Variants in USP21 observed in about 807,000 individuals in gnomAD.
USP21 encodes the protein ubiquitin specific peptidase 21, also known as ubiquitin carboxyl-terminal hydrolase 21.
Under a neutral mutation model 70.8 loss-of-function variants are expected in USP21, and 37 were observed. That is an observed-to-expected ratio of 0.52 (90% CI 0.40 to 0.69). The LOEUF (loss-of-function observed/expected upper bound fraction) is 0.69, where lower values mean the gene tolerates loss of function less well. Ranked by LOEUF, USP21 falls within the 30% of genes least tolerant of loss-of-function variation. The pLI, the probability that USP21 is intolerant of heterozygous loss-of-function variation, is 0.00. For missense variants in USP21, 584 were observed against 740.8 expected (o/e 0.79, Z 2.46); for synonymous variants, 263 against 283.1 (o/e 0.93, Z 0.71).
Position 161,160,414 on chromosome 1 carries a change from G to A in USP21, c.-114G>A, listed in dbSNP as rs536378233. ...TCGATAGATCTGGTTCCTGCCCTCA[G>A]TGCGTATACTGCTCCCCACTTTCGT... On this transcript the variant is annotated 5_prime_UTR_variant, in exon 2 of 14. In the 5' UTR this introduces an upstream ATG that the reference lacks. Coordinates refer to ENST00000368002, the MANE Select transcript of USP21 (RefSeq NM_001014443.3). 1 of 619,100 alleles carries A rather than the reference G, an allele frequency of 1.6e-6. No individual in the cohort carries two copies. Among genetic ancestry groups the A allele is most frequent in the African/African-American group, 1.8e-5 (1 of 54,556 alleles). 38.4% of individuals were successfully genotyped at this position (619,100 alleles called of 1,614,324 possible).
chr1:161,160,913 T>C lies in USP21; in HGVS notation c.273T>C (p.Pro91=), dbSNP rs147394083. The C allele has an allele frequency of 6.2e-7, 1 of 1,614,128 alleles. No homozygotes were observed. The highest frequency in any genetic ancestry group is 8.5e-7 in the Non-Finnish European group (1 of 1,180,044). Residue 91 remains proline (P), a synonymous_variant, in exon 3 of 14, where the codon CCT becomes CCC. Transcript: ENST00000368002. ...GAGCAGATCATGGGGTTCCCCTGCC[T>C]GGCTCACCACCCCCAACAGTGGCTT... ...PLRADHGVPL[P]GSPPPTVALP...
Position 161,165,035 on chromosome 1 carries a change from C to G in USP21, c.1499C>G (p.Pro500Arg). The change falls in exon 13 of 14, where the codon CCT becomes CGT. Residue 500 changes from proline (P) to arginine (R), a missense_variant. Transcript: ENST00000368002. ...ATCATCTCCAACCCCGCAGGAAGTC[C>G]TGTATACCAGCTGTATGCCCTTTGC... Reference protein sequence around the residue: ...GDFASDKAGSPVYQLYALCNH... With the variant: ...GDFASDKAGSRVYQLYALCNH... 6.2e-7 allele frequency: 1 copy of G among 1,614,064 alleles called. No homozygotes were observed. The highest frequency in any genetic ancestry group is 8.5e-7 in the Non-Finnish European group (1 of 1,179,994).
chr1:161,163,515 T>C, intron 7 of USP21, 40 bp from the exon 8 acceptor site: 1 of 1,602,446 alleles, frequency 6.2e-7, no homozygotes, highest in Non-Finnish European at 8.5e-7. Flanking sequence ...GTGTTCCTGC[T>C]GTCTCATGGG....
Position 161,164,675 on chromosome 1 carries a change from T to A in USP21, c.1384+63T>A. ...CCTCCCATACATTCTCTTTCCTCCA[T>A]GTTTCCAGAGAATTGAATTTTCCTT... On this transcript the variant is annotated intron_variant, in intron 11 of 13. Transcript: ENST00000368002. The surrounding 1 kb of genome is among the most constrained non-coding windows in gnomAD (Gnocchi z 4.2). The A allele has an allele frequency of 6.2e-7, 1 of 1,609,606 alleles. No individual in the cohort carries two copies. Among genetic ancestry groups the A allele is most frequent in the Non-Finnish European group, 8.5e-7 (1 of 1,177,078 alleles).
At position 161,160,469 on chromosome 1, in the gene USP21, C is replaced by T; in HGVS notation, c.-59C>T. On this transcript the variant is annotated 5_prime_UTR_variant, in exon 2 of 14. Transcript: ENST00000368002. Reference sequence around the variant, plus strand: ...GTGGTAGTGGTGATGACTGAGCCAACCACCTAATGTGGAAATGAGAGGACA... The same window carrying T: ...GTGGTAGTGGTGATGACTGAGCCAATCACCTAATGTGGAAATGAGAGGACA... 1.2e-6 allele frequency: 1 copy of T among 839,778 alleles called. No individual in the cohort carries two copies. The highest frequency in any genetic ancestry group is 2.4e-5 in the East Asian group (1 of 40,868). The allele number at this position is 839,778 out of a possible 1,614,324, so 52.0% of individuals were successfully genotyped here. A position where few individuals can be genotyped will look rare whatever the true frequency, so the allele number is the denominator to read the frequency against.
In USP21 at chr1:161,164,467, C is replaced by G. The variant is rs925740569; in HGVS notation, c.1306-67C>G. 1.3e-6 allele frequency: 2 copies of G among 1,571,508 alleles called. No individual in the cohort carries two copies. Among genetic ancestry groups the G allele is most frequent in the Non-Finnish European group, 1.8e-6 (2 of 1,142,372 alleles). On this transcript the variant is annotated intron_variant, in intron 10 of 13. Transcript: ENST00000368002. The surrounding 1 kb of genome is among the most constrained non-coding windows in gnomAD (Gnocchi z 4.2). The stretch of plus-strand genomic sequence containing the variant: ...GAGCATACTAAATTTGTATGTGGAT[C>G]GGGGTGTCAGAAAAGCCAATTGAGG...
chr1:161,163,006 A>G lies in USP21; in HGVS notation c.981A>G (p.Ile327Met). Reference protein sequence around the residue: ...INRRGRRAPPILANGPVPSPP... With the variant: ...INRRGRRAPPMLANGPVPSPP... ...GCCGAGGCCGCCGGGCTCCACCGAT[A>G]CTTGCCAATGGTCCAGTTCCCTCTC... Residue 327 changes from isoleucine (I) to methionine (M), a missense_variant, in exon 7 of 14, where the codon ATA becomes ATG. Ile to Met is a conservative substitution (Grantham distance 10). Coordinates refer to ENST00000368002, the MANE Select transcript of USP21 (RefSeq NM_001014443.3). 6.2e-7 allele frequency: 1 copy of G among 1,613,892 alleles called. No homozygotes were observed. Among genetic ancestry groups the G allele is most frequent in the Non-Finnish European group, 8.5e-7 (1 of 1,179,930 alleles).
At position 161,162,149 on chromosome 1, in the gene USP21, T is replaced by TG. The variant is rs1657974489; in HGVS notation, c.660+57dup. On this transcript the variant is annotated intron_variant, in intron 4 of 13. Coordinates refer to ENST00000368002, the MANE Select transcript of USP21 (RefSeq NM_001014443.3). This position sits in a 1 kb window ranked among gnomAD's most constrained non-coding sequence, Gnocchi z 4.1. ...CTCTAAAAGGAATGTGAAATGGTGC[T>TG]GGGGGTGGGGAAAACCCACGAGCTT... The TG allele has an allele frequency of 6.2e-7, 1 of 1,613,006 alleles. No individual in the cohort carries two copies. Among genetic ancestry groups the TG allele is most frequent in the African/African-American group, 1.3e-5 (1 of 74,846 alleles).
At position 161,162,121 on chromosome 1, in the gene USP21, C is replaced by T; in HGVS notation, c.660+24C>T. Reference sequence around the variant, plus strand: ...CGGTGAGAGCTATTCTCCTATCTTTCCTCTCTAAAAGGAATGTGAAATGGT... The same window carrying T: ...CGGTGAGAGCTATTCTCCTATCTTTTCTCTCTAAAAGGAATGTGAAATGGT... On this transcript the variant is annotated intron_variant, in intron 4 of 13. Coordinates refer to ENST00000368002, the MANE Select transcript of USP21 (RefSeq NM_001014443.3). The surrounding 1 kb of genome is among the most constrained non-coding windows in gnomAD (Gnocchi z 4.1). 1 of 1,613,932 alleles carries T rather than the reference C, an allele frequency of 6.2e-7. No individual in the cohort carries two copies. Among genetic ancestry groups the T allele is most frequent in the Non-Finnish European group, 8.5e-7 (1 of 1,179,842 alleles).
At position 161,165,558 on chromosome 1, in the gene USP21, G is replaced by T; in HGVS notation, c.*111G>T. ...TGTCTTTTTAATCGGGGAGGGGGGAGGGGGTGGTTGTAGCTCCATTATTTT... is the reference window on the plus strand; with the variant it reads ...TGTCTTTTTAATCGGGGAGGGGGGATGGGGTGGTTGTAGCTCCATTATTTT... On this transcript the variant is annotated 3_prime_UTR_variant, in exon 14 of 14. Transcript: ENST00000368002. 1 of 361,236 alleles carries T rather than the reference G, an allele frequency of 2.8e-6. No individual in the cohort carries two copies. Among genetic ancestry groups the T allele is most frequent in the Non-Finnish European group, 5.3e-6 (1 of 187,806 alleles). 22.4% of individuals were successfully genotyped at this position (361,236 alleles called of 1,614,324 possible).
Position 161,161,394 on chromosome 1 carries a change from T to G in USP21, c.600+154T>G. The G allele has an allele frequency of 1.0e-6, 1 of 1,001,528 alleles. No homozygotes were observed. The highest frequency in any genetic ancestry group is 2.8e-5 in the Admixed American group (1 of 35,374). 62.0% of individuals were successfully genotyped at this position (1,001,528 alleles called of 1,614,324 possible). ...TGCCTCTCCCTTGCTTAAATACCCT[T>G]GAGCCTCCTAGACCCTTTTTTGGGT... is the stretch of plus-strand genomic sequence containing the variant. On this transcript the variant is annotated intron_variant, in intron 3 of 13. Coordinates refer to ENST00000368002, the MANE Select transcript of USP21 (RefSeq NM_001014443.3). This position sits in a 1 kb window ranked among gnomAD's most constrained non-coding sequence, Gnocchi z 4.2.
Position 161,164,404 on chromosome 1 carries a change from G to A in USP21, c.1306-130G>A. Reference sequence around the variant, plus strand: ...TCAGATCTGTTCTAGTACTCCTAGAGCAAAGGGGAGAAGCCAAGAGGATCC... The same window carrying A: ...TCAGATCTGTTCTAGTACTCCTAGAACAAAGGGGAGAAGCCAAGAGGATCC... On this transcript the variant is annotated intron_variant, in intron 10 of 13. Coordinates refer to ENST00000368002, the MANE Select transcript of USP21 (RefSeq NM_001014443.3). The surrounding 1 kb of genome is among the most constrained non-coding windows in gnomAD (Gnocchi z 4.2). 2 of 1,332,582 alleles carry A rather than the reference G, an allele frequency of 1.5e-6. No homozygotes were observed. The highest frequency in any genetic ancestry group is 1.1e-6 in the Non-Finnish European group (1 of 938,396). The allele number at this position is 1,332,582 out of a possible 1,614,324, so 82.5% of individuals were successfully genotyped here. A position where few individuals can be genotyped will look rare whatever the true frequency, so the allele number is the denominator to read the frequency against.
At position 161,164,938 on chromosome 1, in the gene USP21, A is replaced by G. The variant is rs771536058; in HGVS notation, c.1488A>G (p.Lys496=). 1.2e-6 allele frequency: 2 copies of G among 1,613,900 alleles called. No individual in the cohort carries two copies. The highest frequency in any genetic ancestry group is 8.5e-7 in the Non-Finnish European group (1 of 1,179,816). ...GCCTAGGGGACTTTGCCAGTGACAA[A>G]GCCGGTGAGTCTGGTGGGGAAAGTC... ...RLSLGDFASD[K]AGSPVYQLYA... Residue 496 remains lysine (K), a synonymous_variant, in exon 12 of 14, where the codon AAA becomes AAG. Transcript: ENST00000368002. This position sits in a 1 kb window ranked among gnomAD's most constrained non-coding sequence, Gnocchi z 4.2.
chr1:161,163,691 A>C, intron 8 of USP21, 72 bp downstream of exon 8: 1 of 1,511,094 alleles, frequency 6.6e-7, no homozygotes, highest in East Asian at 2.3e-5. Context: ...GGAAAAATCG[A>C]TACTATCAAG....
rs1658599588 is a variant in USP21, at chr1:161,165,444, G to A, written c.1695G>A (p.Leu565=). 3 of 1,613,362 alleles carry A rather than the reference G, an allele frequency of 1.9e-6. No individual in the cohort carries two copies. Residue 565 remains leucine (L), a synonymous_variant, in exon 14 of 14, where the codon CTG becomes CTA. Coordinates refer to ENST00000368002, the MANE Select transcript of USP21 (RefSeq NM_001014443.3). ...YQLMQEPPRC[L] Reference sequence around the variant, plus strand: ...TGATGCAGGAGCCACCCCGGTGCCTGTGACACCTCTAAGCTCTGGCACCTG... The same window carrying A: ...TGATGCAGGAGCCACCCCGGTGCCTATGACACCTCTAAGCTCTGGCACCTG...
chr1:161,165,515 C>A lies in USP21; in HGVS notation c.*68C>A. On this transcript the variant is annotated 3_prime_UTR_variant, in exon 14 of 14. Transcript: ENST00000368002. The stretch of plus-strand genomic sequence containing the variant: ...TAAGCCCCAGGCTCCCCGTTTACCT[C>A]AGAGACGTCTATTTTTGTGTCTTTT... The A allele has an allele frequency of 9.0e-7, 1 of 1,106,604 alleles. No individual in the cohort carries two copies. The highest frequency in any genetic ancestry group is 1.3e-6 in the Non-Finnish European group (1 of 772,316). 68.5% of individuals were successfully genotyped at this position (1,106,604 alleles called of 1,614,324 possible). A position where few individuals can be genotyped will look rare whatever the true frequency, so the allele number is the denominator to read the frequency against.
chr1:161,163,236 AG>A (rs1658096095), intron 7 of USP21, among the ~76,000 whole-genome samples, 162 bp downstream of exon 7: 1 of 152,192 alleles, frequency 6.6e-6, no homozygotes, highest in Non-Finnish European at 1.5e-5. Context: ...AGGAAGGAAG[AG>A]GGGGAGTCTA....
chr1:161,164,253 A>T lies in USP21; in HGVS notation c.1305+3A>T. Reference sequence around the variant, plus strand: ...AGCTAGAGTCGGAGAATGCCCCAGTATGTGGAGGTTCACAAGGGATACAGT... The same window carrying T: ...AGCTAGAGTCGGAGAATGCCCCAGTTTGTGGAGGTTCACAAGGGATACAGT... On this transcript the variant is annotated splice_donor_region_variant and intron_variant, in intron 10 of 13. Transcript: ENST00000368002. This position sits in a 1 kb window ranked among gnomAD's most constrained non-coding sequence, Gnocchi z 4.2. The T allele has an allele frequency of 1.2e-6, 2 of 1,614,028 alleles. No individual in the cohort carries two copies. Among genetic ancestry groups the T allele is most frequent in the Non-Finnish European group, 1.7e-6 (2 of 1,179,872 alleles).
At position 161,161,819 on chromosome 1, in the gene USP21, G is replaced by A; in HGVS notation, c.601-219G>A. ...CAGAGGAGTAAGTGGGCAACAGGTG[G>A]GACAGCCATGGCTGAGTCCGTGGTA... On this transcript the variant is annotated intron_variant, in intron 3 of 13. Coordinates refer to ENST00000368002, the MANE Select transcript of USP21 (RefSeq NM_001014443.3). The surrounding 1 kb of genome is among the most constrained non-coding windows in gnomAD (Gnocchi z 4.2). The A allele has an allele frequency of 1.7e-6, 1 of 586,374 alleles. No individual in the cohort carries two copies. Among genetic ancestry groups the A allele is most frequent in the Non-Finnish European group, 3.1e-6 (1 of 326,218 alleles). 36.3% of individuals were successfully genotyped at this position (586,374 alleles called of 1,614,324 possible).
Sources: gnomAD v4.1 joint callset for allele counts (sites outside exome capture counted in the v4.1 genomes callset) on GRCh38, gnomAD v4.1.1 for gene constraint, Gnocchi (gnomAD v3.1) non-coding constraint, MANE v1.5 for transcripts, NCBI Gene and HGNC (gene_info 2026-07-23, HGNC 2026-07-21) for gene names.